The following GFRA1 variants were observed in gnomAD, a reference collection of about 807,000 sequenced individuals.
The protein encoded by GFRA1 is GDNF family receptor alpha 1.
GFRA1 carries 16 observed loss-of-function variants against 51.6 expected under a neutral mutation model. The ratio of observed to expected loss-of-function variants is 0.31; its 90% CI spans 0.21 to 0.47. The LOEUF (loss-of-function observed/expected upper bound fraction) is 0.47. GFRA1 is among the 20% of genes least tolerant of loss of function. GFRA1 has a pLI of 1.00. For missense variants in GFRA1, 530 were observed against 594.3 expected, an observed-to-expected ratio of 0.89 and a Z score of 1.13; for synonymous variants, 270 against 241.3, an observed-to-expected ratio of 1.12 and a Z score of -1.10.
At chr10:116,257,982 T>A (rs1243901253) in intron 4 of GFRA1, among the ~76,000 whole-genome samples, 1 of 152,112 alleles carries the variant, frequency 6.6e-6, no homozygotes, top group Non-Finnish European at 1.5e-5. Context: ...ACCAAACTCC[T>A]ATCCATTCCA....
chr10:116,073,341 CTTT>C (rs955223527), intron 9 of GFRA1, among the ~76,000 whole-genome samples: 4 of 152,176 alleles, frequency 2.6e-5, no homozygotes, highest in African/African-American at 9.7e-5. Context: ...CACCTTACAT[CTTT>C]TTTGCTTTTC....
intron 8 of GFRA1, among the ~76,000 whole-genome samples, chr10:116,092,586 G>T (rs1180202455): frequency 2.6e-5 from 4 of 152,074 alleles, no homozygotes; most frequent in Non-Finnish European, 4.4e-5. Context: ...CTGAAGTTCA[G>T]GCCTATGTTC....
intron 6 of GFRA1, among the ~76,000 whole-genome samples, chr10:116,114,389 C>CCT (rs1957329052): frequency 1.3e-5 from 2 of 152,136 alleles, no homozygotes; most frequent in South Asian, 4.2e-4. Context: ...GCTCCAAACA[C>CCT]CTCTAGACTC....
chr10:116,197,459 G>T (rs1415271231), intron 5 of GFRA1, among the ~76,000 whole-genome samples: 1 of 152,126 alleles, frequency 6.6e-6, no homozygotes, highest in Non-Finnish European at 1.5e-5. Context: ...ATCGTAGTTT[G>T]GAATGTATGT....
chr10:116,265,888 G>A (rs1969619088), intron 4 of GFRA1, among the ~76,000 whole-genome samples: 1 of 152,046 alleles, frequency 6.6e-6, no homozygotes, highest in Non-Finnish European at 1.5e-5. Context: ...ACCTCCTCAA[G>A]CCCTTAATTG....
chr10:116,202,656 GGAGA>G (rs935613965), intron 5 of GFRA1, among the ~76,000 whole-genome samples: 2 of 151,924 alleles, frequency 1.3e-5, no homozygotes, highest in East Asian at 3.9e-4. Context: ...TGGTGGAGCA[GGAGA>G]GAGAGAGAGC....
rs892466507 is a variant in GFRA1 at position 116,065,748 on chromosome 10, C to T, written c.1198-122G>A. On this transcript the variant is annotated intron_variant, in intron 9 of 10. Transcript: ENST00000355422. ...AATATGTGAGACACAGCTGTGAGCT[C>T]CATATATAATTGAACATTTTCTAGT... 91 of 734,462 alleles carry T rather than the reference C, an allele frequency of 1.2e-4. No individual in the cohort carries two copies. In the African/African-American group the frequency reaches 1.4e-3, roughly 11 times the overall value. 45.5% of individuals were successfully genotyped at this position (734,462 alleles called of 1,614,324 possible). A position where few individuals can be genotyped will look rare whatever the true frequency, so the allele number is the denominator to read the frequency against.
chr10:116,159,551 C>T (rs1459438109), intron 5 of GFRA1, among the ~76,000 whole-genome samples: 1 of 152,196 alleles, frequency 6.6e-6, no homozygotes, highest in Non-Finnish European at 1.5e-5. Context: ...GGTGTCCCCA[C>T]AGCAAGGCCC....
chr10:116,170,770 A>T (rs1960943336), intron 5 of GFRA1, among the ~76,000 whole-genome samples: 1 of 152,224 alleles, frequency 6.6e-6, no homozygotes, highest in Non-Finnish European at 1.5e-5. Context: ...GGTTCATAAA[A>T]GTGGGCTCAG....
At chr10:116,128,442 T>C (rs989399682) in intron 5 of GFRA1, among the ~76,000 whole-genome samples, 1 of 152,086 alleles carries the variant, frequency 6.6e-6, no homozygotes, top group Non-Finnish European at 1.5e-5. Flanking sequence ...ATTGGCCTAG[T>C]GTGCCAGGTG....
intron 5 of GFRA1, among the ~76,000 whole-genome samples, chr10:116,183,830 G>A (rs10885870): frequency 0.56 from 84,671 of 152,124 alleles, 23,736 homozygotes; most frequent in Middle Eastern, 0.67. Flanking sequence ...GCTCCTGAAG[G>A]CTGAGAGAGT....
chr10:116,197,646 C>T (rs944664737), intron 5 of GFRA1, among the ~76,000 whole-genome samples: 2 of 152,108 alleles, frequency 1.3e-5, no homozygotes, highest in Non-Finnish European at 2.9e-5. Flanking sequence ...AATGAGGTCA[C>T]GTTCTGAGGT....
intron 5 of GFRA1, among the ~76,000 whole-genome samples, chr10:116,203,717 C>T (rs1050765826): frequency 6.6e-6 from 1 of 152,340 alleles, no homozygotes; most frequent in African/African-American, 2.4e-5. Context: ...ATGGCTCTAT[C>T]CTGGTCCCCA....
At position 116,068,347 on chromosome 10, in the gene GFRA1, C is replaced by T. The variant is rs184371810; in HGVS notation, c.1198-2721G>A. ...GGAGGAGTTCCACCTAAACCTGGCA[C>T]GGGCCACTGTCAGCTCTGTGAGTCT... On this transcript the variant is annotated intron_variant, in intron 9 of 10. Coordinates refer to ENST00000355422, the MANE Select transcript of GFRA1 (RefSeq NM_005264.8). Among the ~76,000 whole-genome samples, 434 of 152,306 alleles carry T rather than the reference C, an allele frequency of 2.8e-3. 1 individual carries two copies. Among genetic ancestry groups the T allele is most frequent in the Non-Finnish European group, 4.4e-3 (297 of 68,034 alleles).
At chr10:116,098,823 C>T (rs1380993732) in intron 6 of GFRA1, among the ~76,000 whole-genome samples, 1 of 152,202 alleles carries the variant, frequency 6.6e-6, no homozygotes, top group East Asian at 1.9e-4. Context: ...CACAATTGGA[C>T]TCTGGAATGA....
intron 4 of GFRA1, among the ~76,000 whole-genome samples, chr10:116,213,402 G>A (rs920906419): frequency 3.3e-5 from 5 of 152,110 alleles, no homozygotes; most frequent in African/African-American, 9.7e-5. Flanking sequence ...ATAATCCTGA[G>A]CCCATCTGTG....
chr10:116,075,181 C>G (rs904830143), intron 9 of GFRA1, among the ~76,000 whole-genome samples: 2 of 152,052 alleles, frequency 1.3e-5, no homozygotes, highest in East Asian at 1.9e-4. Context: ...CCCATCCTCT[C>G]TCTAAGTCTT....
intron 6 of GFRA1, among the ~76,000 whole-genome samples, chr10:116,107,337 C>G (rs925600698): frequency 8.5e-5 from 13 of 152,142 alleles, no homozygotes; most frequent in African/African-American, 2.9e-4. Context: ...TTATGAAATC[C>G]TAGGGAGAGA....
At chr10:116,273,231 A>C (rs1490361517), upstream of GFRA1, 1 of 152,048 alleles carries the variant, frequency 6.6e-6, no homozygotes, top group Non-Finnish European at 1.5e-5. Context: ...TTATTCTTTC[A>C]GGGCAATGGT....
Sources: allele counts gnomAD v4.1 joint callset (sites outside exome capture counted in the v4.1 genomes callset), GRCh38; gene constraint gnomAD v4.1.1; transcripts MANE v1.5; gene names NCBI Gene and HGNC (gene_info 2026-07-23, HGNC 2026-07-21).